The following CRNKL1 variants were observed in gnomAD, a reference collection of about 807,000 sequenced individuals.
The protein encoded by CRNKL1 is crooked neck pre-mRNA splicing factor 1.
CRNKL1 carries 35 observed loss-of-function variants against 103.7 expected under a neutral mutation model. The observed-to-expected ratio is 0.34, with a 90% CI of 0.26 to 0.45. The LOEUF is 0.45. CRNKL1 is among the 20% of genes least tolerant of loss of function. The probability of loss-of-function intolerance (pLI) is 1.00; values close to 1 mark genes in which losing one functional copy is unlikely to be tolerated. For missense variants in CRNKL1, 645 were observed against 836.0 expected, an observed-to-expected ratio of 0.77 and a Z score of 2.82; for synonymous variants, 267 against 282.6, an observed-to-expected ratio of 0.94 and a Z score of 0.55.
intron 6 of CRNKL1, among the ~76,000 whole-genome samples, chr20:20,044,888 T>C (rs2043570760): frequency 6.6e-6 from 1 of 152,148 alleles, no homozygotes; most frequent in East Asian, 1.9e-4. Flanking sequence ...ATTTGAGCTA[T>C]TTTCATAGGT....
At chr20:20,055,989 G>A (rs145101005), upstream of CRNKL1, 1 of 1,610,424 alleles carries the variant, frequency 6.2e-7, no homozygotes. Flanking sequence ...CTTCTGGAAC[G>A]TTAGGTTCTC....
intron 3 of CRNKL1, among the ~76,000 whole-genome samples, chr20:20,048,979 C>T (rs947367547): frequency 6.6e-6 from 1 of 152,056 alleles, no homozygotes; most frequent in Non-Finnish European, 1.5e-5. Flanking sequence ...GAAAGCTAGA[C>T]CACAGGAAGG....
intron 5 of CRNKL1, among the ~76,000 whole-genome samples, chr20:20,046,206 C>G (rs769922417): frequency 6.6e-6 from 1 of 152,118 alleles, no homozygotes; most frequent in Non-Finnish European, 1.5e-5. Flanking sequence ...CTGTGAGAAC[C>G]CAGTCAAGCT....
At position 20,042,329 on chromosome 20, in the gene CRNKL1, G is replaced by T; in HGVS notation, c.1160C>A (p.Ala387Glu). 1 of 1,579,582 alleles carries T rather than the reference G, an allele frequency of 6.3e-7. No individual in the cohort carries two copies. Among genetic ancestry groups the T allele is most frequent in the Non-Finnish European group, 8.6e-7 (1 of 1,164,062 alleles). ...INYALYEELE[A>E]KDPERTRQVY... ...CACATAATTCTGTTTTTTCACCTTT[G>T]CCTCCAATTCTTCATAGAGTGCATA... Residue 387 changes from alanine (A) to glutamate (E), a missense_variant, in exon 8 of 14, where the codon GCA becomes GAA. Physicochemically the swap from Ala to Glu is moderately radical, Grantham distance 107 (BLOSUM62 -1). This residue lies in a region of CRNKL1 where 582 missense variants were observed against 707.7 expected (regional missense o/e 0.82). Transcript: ENST00000536226.
chr20:20,038,778 C>T (rs566166219), intron 11 of CRNKL1, among the ~76,000 whole-genome samples: 4 of 152,322 alleles, frequency 2.6e-5, no homozygotes, highest in South Asian at 2.1e-4. Flanking sequence ...CGCAATTGAG[C>T]GTCCAGAGAG....
Position 20,036,083 on chromosome 20 carries a change from A to C in CRNKL1, c.*112T>G. The C allele has an allele frequency of 9.0e-7, 1 of 1,117,154 alleles. No individual in the cohort carries two copies. The highest frequency in any genetic ancestry group is 2.5e-5 in the East Asian group (1 of 39,270). 69.2% of individuals were successfully genotyped at this position (1,117,154 alleles called of 1,614,324 possible). On this transcript the variant is annotated 3_prime_UTR_variant, in exon 14 of 14. Transcript: ENST00000536226. ...AAAATAACTTAAAAAGTAGCCATCA[A>C]AGATACCAATCAATTTCTTACTGGT...
rs759440484 is a variant in CRNKL1, at chr20:20,036,374, A to C, written c.1897-12T>G. 1.2e-6 allele frequency: 2 copies of C among 1,613,742 alleles called. No individual in the cohort carries two copies. Among genetic ancestry groups the C allele is most frequent in the South Asian group, 2.2e-5 (2 of 91,042 alleles). On this transcript the variant is annotated splice_polypyrimidine_tract_variant and intron_variant, in intron 13 of 13. Coordinates refer to ENST00000536226, the MANE Select transcript of CRNKL1 (RefSeq NM_001278628.2). Reference sequence around the variant, plus strand: ...CAGCCTGCATCAGACTACAGAAATAAAAAATGAAAAGATAAGCAAACGTGG... The same window carrying C: ...CAGCCTGCATCAGACTACAGAAATACAAAATGAAAAGATAAGCAAACGTGG...
At chr20:20,052,249 C>T in intron 1 of CRNKL1, 43 bp downstream of exon 1, 2 of 1,552,408 alleles carry the variant, frequency 1.3e-6, no homozygotes, top group Non-Finnish European at 1.7e-6. Flanking sequence ...AGGGATGCCC[C>T]TTTCCTAGGC....
At chr20:20,036,654 A>C (rs912408945) in intron 13 of CRNKL1, among the ~76,000 whole-genome samples, 1 of 152,242 alleles carries the variant, frequency 6.6e-6, no homozygotes, top group Admixed American at 6.5e-5. Context: ...TCTTACACTT[A>C]AGAAAACGTT....
intron 6 of CRNKL1, 43 bp from the exon 7 acceptor site, chr20:20,043,705 T>C (rs1414863966): frequency 6.4e-7 from 1 of 1,562,988 alleles, no homozygotes; most frequent in African/African-American, 1.4e-5. Context: ...CACAATATTC[T>C]CATGCCAGTC....
In CRNKL1 at chr20:20,045,632, G is replaced by A. The variant is rs141311837; in HGVS notation, c.623-146C>T. The stretch of plus-strand genomic sequence containing the variant: ...GGAACAAAACACATACAAAAGTGTA[G>A]AATTAAACAGTGGCTTCTGTGAGAG... On this transcript the variant is annotated intron_variant, in intron 5 of 13. Transcript: ENST00000536226. 112 of 668,108 alleles carry A rather than the reference G, an allele frequency of 1.7e-4. No homozygotes were observed. The African/African-American group carries it at 1.9e-3, about 12-fold the overall frequency. The allele number at this position is 668,108 out of a possible 1,614,324, so 41.4% of individuals were successfully genotyped here. A position where few individuals can be genotyped will look rare whatever the true frequency, so the allele number is the denominator to read the frequency against.
chr20:20,049,052 TG>T (rs780958505), intron 3 of CRNKL1, among the ~76,000 whole-genome samples: 23,935 of 152,126 alleles, frequency 0.16, 3,705 homozygotes, highest in East Asian at 0.6. Flanking sequence ...ATTGTTTAGC[TG>T]AAATTTGTAA....
Position 20,040,820 on chromosome 20 carries a change from T to C in CRNKL1, c.1225-54A>G, listed in dbSNP as rs910704052. The C allele has an allele frequency of 6.4e-5, 80 of 1,242,272 alleles. No individual in the cohort carries two copies. The highest frequency in any genetic ancestry group is 7.6e-5 in the Non-Finnish European group (66 of 865,914). 77.0% of individuals were successfully genotyped at this position (1,242,272 alleles called of 1,614,324 possible). A position where few individuals can be genotyped will look rare whatever the true frequency, so the allele number is the denominator to read the frequency against. ...GCTTAAAAGCCTCATCCAAATTAAA[T>C]TGAATTAAAATTAATTTAAATTAAC... On this transcript the variant is annotated intron_variant, in intron 9 of 13. Transcript: ENST00000536226.
Position 20,039,696 on chromosome 20 carries a change from A to G in CRNKL1, c.1458T>C (p.Ala486=), listed in dbSNP as rs756425987. Residue 486 remains alanine (A), a synonymous_variant, in exon 11 of 14, where the codon GCT becomes GCC. Transcript: ENST00000536226. The part of the protein sequence containing the change: ...PENCTSWIKF[A]ELETILGDID... ...TATCACCAAGGATTGTCTCTAATTC[A>G]GCGAATTTAATCCATGAGGTACAAT... 46 of 1,614,098 alleles carry G rather than the reference A, an allele frequency of 2.8e-5. No homozygotes were observed. The South Asian group carries it at 4.3e-4, about 15-fold the overall frequency.
At chr20:20,045,906 G>A (rs1449499877) in intron 5 of CRNKL1, among the ~76,000 whole-genome samples, 1 of 152,142 alleles carries the variant, frequency 6.6e-6, no homozygotes, top group Non-Finnish European at 1.5e-5. Flanking sequence ...CCTTAGCACA[G>A]TTTCTAGCCA....
At chr20:20,046,950 GA>G (rs1399711149) in intron 5 of CRNKL1, among the ~76,000 whole-genome samples, 9 of 152,234 alleles carry the variant, frequency 5.9e-5, no homozygotes, top group African/African-American at 1.7e-4. Flanking sequence ...AGTGAGGAAT[GA>G]CTGTACTTCA....
intron 9 of CRNKL1, 43 bp downstream of exon 9, chr20:20,041,523 G>T (rs2043513961): frequency 2.1e-6 from 3 of 1,423,380 alleles, no homozygotes; most frequent in Non-Finnish European, 3.0e-6. Flanking sequence ...AACAGAAGAG[G>T]ATTCTGACCT....
chr20:20,041,423 G>C, intron 9 of CRNKL1, 143 bp downstream of exon 9: 2 of 669,186 alleles, frequency 3.0e-6, no homozygotes, highest in Non-Finnish European at 5.3e-6. Context: ...CAGAGGCAAG[G>C]AGCATATCTC....
intron 13 of CRNKL1, among the ~76,000 whole-genome samples, chr20:20,036,978 C>A (rs984825703): frequency 6.6e-6 from 1 of 152,190 alleles, no homozygotes; most frequent in Admixed American, 6.5e-5. Flanking sequence ...TCCTTCTTAC[C>A]GCCTACAAGC....
Sources: gnomAD v4.1 joint callset for allele counts (sites outside exome capture counted in the v4.1 genomes callset) on GRCh38, gnomAD v4.1.1 for gene constraint, gnomAD v4.1.1 regional missense constraint, MANE v1.5 for transcripts, NCBI Gene and HGNC (gene_info 2026-07-23, HGNC 2026-07-21) for gene names.